MSH3: variants seen among roughly 807,000 people sequenced by gnomAD.
MSH3 encodes the protein DNA mismatch repair protein Msh3.
In MSH3, 106 loss-of-function variants were observed where a neutral mutation model predicts 123.3. The ratio of observed to expected loss-of-function variants is 0.86; its 90% CI spans 0.73 to 1.01. MSH3 has a LOEUF of 1.01. Among genes scored for constraint, MSH3 ranks in the 50% least tolerant of loss-of-function variants. The pLI, the probability that MSH3 is intolerant of heterozygous loss-of-function variation, is 0.00. For synonymous variants in MSH3, 515 were observed against 481.4 expected (o/e 1.07, Z -0.91); for missense variants, 1,459 against 1,347.6 (o/e 1.08, Z -1.29).
At chr5:80,875,055 A>T (rs755932191) in intron 23 of MSH3, among the ~76,000 whole-genome samples, 17 of 152,230 alleles carry the variant, frequency 1.1e-4, no homozygotes, top group Non-Finnish European at 1.9e-4. Flanking sequence ...TTGGATGGTT[A>T]CTGTGTGTAG....
chr5:80,821,849 G>A (rs566161983), intron 20 of MSH3, among the ~76,000 whole-genome samples: 1 of 152,250 alleles, frequency 6.6e-6, no homozygotes, highest in Non-Finnish European at 1.5e-5. Flanking sequence ...TGTATGCACA[G>A]CATCCATGGT....
At chr5:80,823,003 C>T (rs746434815) in intron 20 of MSH3, among the ~76,000 whole-genome samples, 1 of 152,132 alleles carries the variant, frequency 6.6e-6, no homozygotes, top group Non-Finnish European at 1.5e-5. Flanking sequence ...TTAGCTACTT[C>T]GGGATATATT....
intron 20 of MSH3, among the ~76,000 whole-genome samples, chr5:80,832,014 G>A (rs999561008): frequency 6.6e-6 from 1 of 152,148 alleles, no homozygotes; most frequent in Non-Finnish European, 1.5e-5. Flanking sequence ...GGAGGCTGAG[G>A]CAGGAGAATG....
At chr5:80,812,706 C>T (rs1401829224) in intron 19 of MSH3, among the ~76,000 whole-genome samples, 2 of 151,814 alleles carry the variant, frequency 1.3e-5, no homozygotes, top group African/African-American at 2.4e-5. Flanking sequence ...CTCAGCCTCC[C>T]GAGAACTGGC....
intron 18 of MSH3, among the ~76,000 whole-genome samples, chr5:80,791,700 C>A (rs970076209): frequency 3.9e-5 from 6 of 152,140 alleles, no homozygotes; most frequent in African/African-American, 4.8e-5. Flanking sequence ...ATGGTGAAAT[C>A]TATTTTTTGT....
chr5:80,873,372 C>T (rs1397128680), intron 23 of MSH3, 85 bp downstream of exon 23: 4 of 1,361,890 alleles, frequency 2.9e-6, no homozygotes, highest in Admixed American at 3.6e-5. Context: ...TAAAAATGAA[C>T]ATCAGGTCTA....
intron 8 of MSH3, among the ~76,000 whole-genome samples, chr5:80,708,488 C>T (rs565029058): frequency 1.3e-5 from 2 of 151,864 alleles, no homozygotes; most frequent in Admixed American, 6.6e-5. Context: ...GACAGGGTCT[C>T]GCTTTTTCGC....
chr5:80,735,814 A>G (rs1364814078), intron 10 of MSH3, among the ~76,000 whole-genome samples: 1 of 152,246 alleles, frequency 6.6e-6, no homozygotes, highest in African/African-American at 2.4e-5. Flanking sequence ...TAGCAATGGG[A>G]AAAGAACCAA....
At chr5:80,707,707 G>A (rs1399147558) in intron 8 of MSH3, among the ~76,000 whole-genome samples, 1 of 152,198 alleles carries the variant, frequency 6.6e-6, no homozygotes, top group Non-Finnish European at 1.5e-5. Context: ...ACTCCAGCCT[G>A]GGTGACAGAA....
intron 2 of MSH3, among the ~76,000 whole-genome samples, chr5:80,658,305 C>T (rs1451673040): frequency 6.6e-6 from 1 of 152,012 alleles, no homozygotes; most frequent in South Asian, 2.1e-4. Flanking sequence ...GTGATCTGCC[C>T]GCCTTGGCCT....
rs140544886 is a variant in MSH3 at position 80,794,449 on chromosome 5, G to A, written c.2655+1605G>A. Among the ~76,000 whole-genome samples the A allele has an allele frequency of 3.0e-3, 451 of 152,270 alleles. 5 individuals carry two copies. Among genetic ancestry groups the A allele is most frequent in the African/African-American group, 0.01 (429 of 41,530 alleles). Reference sequence around the variant, plus strand: ...CAAAGTTGAGAACTAGTCCAGAAGAGGGCTCAGAGAAAAAACCTGATGAGA... The same window carrying A: ...CAAAGTTGAGAACTAGTCCAGAAGAAGGCTCAGAGAAAAAACCTGATGAGA... On this transcript the variant is annotated intron_variant, in intron 19 of 23. Coordinates refer to ENST00000265081, the MANE Select transcript of MSH3 (RefSeq NM_002439.5).
At chr5:80,769,987 T>C (rs1402816517) in intron 15 of MSH3, among the ~76,000 whole-genome samples, 5 of 152,150 alleles carry the variant, frequency 3.3e-5, no homozygotes, top group African/African-American at 7.2e-5. Flanking sequence ...TGAACTAAAA[T>C]TATTAAGATA....
intron 19 of MSH3, among the ~76,000 whole-genome samples, chr5:80,794,548 A>T (rs1203924030): frequency 1.3e-5 from 2 of 152,164 alleles, no homozygotes; most frequent in Non-Finnish European, 2.9e-5. Context: ...TAGTTATGTG[A>T]GAGAGAAGGT....
intron 19 of MSH3, among the ~76,000 whole-genome samples, chr5:80,801,428 C>T (rs1336426781): frequency 6.6e-6 from 1 of 152,160 alleles, no homozygotes; most frequent in Non-Finnish European, 1.5e-5. Context: ...TTATCTCGTG[C>T]TGGCAGTCTC....
At chr5:80,802,538 C>T (rs1321869063) in intron 19 of MSH3, among the ~76,000 whole-genome samples, 3 of 152,040 alleles carry the variant, frequency 2.0e-5, no homozygotes, top group Admixed American at 6.5e-5. Flanking sequence ...ACTGGGGTAT[C>T]CATCACCTCA....
chr5:80,670,122 A>C lies in MSH3; in HGVS notation c.605A>C (p.Gln202Pro), dbSNP rs1580550136. The C allele has an allele frequency of 6.2e-7, 1 of 1,614,132 alleles. No homozygotes were observed. Residue 202 changes from glutamine (Q) to proline (P), a missense_variant, in exon 4 of 24, where the codon CAG (glutamine) becomes CCG (proline). Physicochemically the swap from Gln to Pro is moderately conservative, Grantham distance 76 (BLOSUM62 -1). Coordinates refer to ENST00000265081, the MANE Select transcript of MSH3 (RefSeq NM_002439.5). ...QKDTTLFDLS[Q>P]FGSSNTSHEN... ...GACACAACACTTTTTGATCTCAGTC[A>C]GTTTGGATCATCAAATACAAGTCAT...
chr5:80,863,356 TAAATC>T (rs1378542307), intron 21 of MSH3, among the ~76,000 whole-genome samples: 2 of 152,078 alleles, frequency 1.3e-5, no homozygotes, highest in Non-Finnish European at 2.9e-5. Context: ...GCATGAGACA[TAAATC>T]AAATACATTT....
intron 19 of MSH3, among the ~76,000 whole-genome samples, chr5:80,794,294 C>A (rs1744660158): frequency 6.6e-6 from 1 of 152,160 alleles, no homozygotes; most frequent in Non-Finnish European, 1.5e-5. Context: ...CAGGCAGATA[C>A]TTTTAGTGGG....
At chr5:80,697,673 G>A (rs943257500) in intron 8 of MSH3, among the ~76,000 whole-genome samples, 4 of 152,070 alleles carry the variant, frequency 2.6e-5, no homozygotes, top group Non-Finnish European at 5.9e-5. Context: ...GATTGTGTAA[G>A]CTAAATCTAG....
Sources: allele counts gnomAD v4.1 joint callset (sites outside exome capture counted in the v4.1 genomes callset), GRCh38; gene constraint gnomAD v4.1.1; transcripts MANE v1.5; gene names NCBI Gene and HGNC (gene_info 2026-07-23, HGNC 2026-07-21).